Variants in PRMT8 observed in about 807,000 individuals in gnomAD.
The protein encoded by PRMT8 is protein arginine methyltransferase 8, also known as protein arginine N-methyltransferase 8.
A neutral mutation model predicts 47.1 loss-of-function variants in PRMT8; 7 were observed. The ratio of observed to expected loss-of-function variants is 0.15; its 90% CI spans 0.08 to 0.28. The LOEUF (loss-of-function observed/expected upper bound fraction) is 0.28, where lower values mean the gene tolerates loss of function less well. Ranked by LOEUF, PRMT8 falls within the 10% of genes least tolerant of loss-of-function variation. The pLI is 1.00. For missense variants in PRMT8, 237 were observed against 505.4 expected (o/e 0.47, Z 5.09); for synonymous variants, 188 against 186.5 (o/e 1.01, Z -0.07).
chr12:3,574,323 C>T (rs1866901420), intron 6 of PRMT8, among the ~76,000 whole-genome samples: 1 of 152,230 alleles, frequency 6.6e-6, no homozygotes, highest in Admixed American at 6.5e-5. Flanking sequence ...CCAAAGGTTT[C>T]CAAATGGTTG....
chr12:3,471,980 G>C (rs986291006), intron 1 of PRMT8, among the ~76,000 whole-genome samples: 2 of 152,018 alleles, frequency 1.3e-5, no homozygotes, highest in Admixed American at 1.3e-4. Flanking sequence ...TGGCCTCTCT[G>C]AACCTTTGTC....
intron 1 of PRMT8, among the ~76,000 whole-genome samples, chr12:3,446,159 C>T (rs1024111072): frequency 5.3e-5 from 8 of 152,194 alleles, no homozygotes; most frequent in African/African-American, 1.9e-4. Context: ...ACTAGACCAC[C>T]AGATTACTGG....
upstream of PRMT8, among the ~76,000 whole-genome samples, chr12:3,489,813 ACACACACACACACACACACACGCGCG>A (rs1334927336): frequency 3.7e-5 from 5 of 135,248 alleles, no homozygotes; most frequent in Admixed American, 1.4e-4. Flanking sequence ...GTTTTCACAC[ACACACACACACACACACACACGCGCG>A]CACACACACA....
intron 1 of PRMT8, among the ~76,000 whole-genome samples, chr12:3,392,727 A>G (rs1407465440): frequency 6.6e-6 from 1 of 152,144 alleles, no homozygotes; most frequent in Non-Finnish European, 1.5e-5. Flanking sequence ...GTATATACCC[A>G]GTAATGGGAT....
chr12:3,427,590 T>C lies in PRMT8; in HGVS notation c.48+46148T>C, dbSNP rs1490147606. Among the ~76,000 whole-genome samples the C allele has an allele frequency of 2.6e-5, 4 of 151,642 alleles. No homozygotes were observed. In the East Asian group the frequency reaches 5.8e-4, roughly 22 times the overall value. ...TTACTTTCCTTACACACCTTGCACA[T>C]AAACTGTTTTTTTTTTCAATAGTTT... On this transcript the variant is annotated intron_variant, in intron 1 of 9. Transcript: ENST00000452611.
At chr12:3,432,634 A>G (rs895416533) in intron 1 of PRMT8, among the ~76,000 whole-genome samples, 61 of 151,420 alleles carry the variant, frequency 4.0e-4, no homozygotes, top group African/African-American at 1.2e-3. Context: ...GAGGTGAGAA[A>G]GGCTCTCTGG....
chr12:3,452,749 C>T (rs983610969), intron 1 of PRMT8, among the ~76,000 whole-genome samples: 2 of 152,166 alleles, frequency 1.3e-5, no homozygotes, highest in Non-Finnish European at 2.9e-5. Flanking sequence ...TCAGGCCTCA[C>T]CAGATGGTGA....
At chr12:3,425,019 C>G (rs1274589049) in intron 1 of PRMT8, among the ~76,000 whole-genome samples, 1 of 152,174 alleles carries the variant, frequency 6.6e-6, no homozygotes, top group Non-Finnish European at 1.5e-5. Flanking sequence ...ACTTGCTGCT[C>G]CCAGTTTACT....
chr12:3,388,960 C>G (rs1296255339), intron 1 of PRMT8, among the ~76,000 whole-genome samples: 2 of 152,114 alleles, frequency 1.3e-5, no homozygotes. Flanking sequence ...ATATTTTATT[C>G]CAGTGAACCT....
At chr12:3,571,674 G>A (rs1866849224) in intron 6 of PRMT8, among the ~76,000 whole-genome samples, 1 of 151,890 alleles carries the variant, frequency 6.6e-6, no homozygotes, top group Non-Finnish European at 1.5e-5. Flanking sequence ...TTGTTCTAGA[G>A]TCTCTGAAAA....
chr12:3,390,828 G>C (rs1254413567), intron 1 of PRMT8, among the ~76,000 whole-genome samples: 1 of 152,192 alleles, frequency 6.6e-6, no homozygotes, highest in Non-Finnish European at 1.5e-5. Context: ...TAAGGTCAGG[G>C]AACAGGCAGA....
intron 4 of PRMT8, 139 bp from the exon 5 acceptor site, chr12:3,568,567 G>T: frequency 1.1e-6 from 1 of 920,596 alleles, no homozygotes; most frequent in South Asian, 1.7e-5. Context: ...AACTAGTTTG[G>T]TAAAGGGTGA....
chr12:3,481,462 C>G (rs2137101711), intron 1 of PRMT8, among the ~76,000 whole-genome samples: 1 of 152,312 alleles, frequency 6.6e-6, no homozygotes, highest in East Asian at 1.9e-4. Context: ...AAGGGCGCTT[C>G]TCCAGGAGCC....
In PRMT8 at chr12:3,521,055, G is replaced by A. The variant is rs561964622; in HGVS notation, c.76-19551G>A. 4.5e-4 allele frequency among the ~76,000 whole-genome samples: 68 copies of A among 152,238 alleles called. No homozygotes were observed. The Middle Eastern group carries it at 0.014, about 30-fold the overall frequency. On this transcript the variant is annotated intron_variant, in intron 1 of 9. Transcript: ENST00000382622. The stretch of plus-strand genomic sequence containing the variant: ...TCCCTGGAGGAAGAAGTTAAACTCC[G>A]GCCTAATCCCAGATATCCCAAGGTG...
intron 1 of PRMT8, among the ~76,000 whole-genome samples, chr12:3,529,201 T>A (rs1486030867): frequency 1.3e-5 from 2 of 152,174 alleles, no homozygotes; most frequent in African/African-American, 2.4e-5. Context: ...CTGAGAGAGA[T>A]TACTGGGTCT....
intron 8 of PRMT8, among the ~76,000 whole-genome samples, chr12:3,587,959 C>T (rs74707679): frequency 7.6e-6 from 1 of 131,860 alleles, no homozygotes; most frequent in Non-Finnish European, 1.8e-5. Context: ...GGGCACGGTG[C>T]CCCCCCCACC....
intron 1 of PRMT8, among the ~76,000 whole-genome samples, chr12:3,468,751 G>C (rs1865131520): frequency 6.6e-6 from 1 of 152,222 alleles, no homozygotes; most frequent in Admixed American, 6.5e-5. Context: ...AAATAGCCAA[G>C]AAATGGTCAG....
intron 1 of PRMT8, among the ~76,000 whole-genome samples, chr12:3,477,990 G>C (rs1865231872): frequency 6.6e-6 from 1 of 152,126 alleles, no homozygotes; most frequent in Non-Finnish European, 1.5e-5. Flanking sequence ...GGCTAGGGGA[G>C]GATGGTCCTC....
intron 7 of PRMT8, among the ~76,000 whole-genome samples, chr12:3,581,767 A>C (rs1460572709): frequency 6.6e-6 from 1 of 152,192 alleles, no homozygotes; most frequent in Non-Finnish European, 1.5e-5. Flanking sequence ...AGAAGATGTC[A>C]TGGCTACACA....
Sources: allele counts gnomAD v4.1 joint callset (sites outside exome capture counted in the v4.1 genomes callset), GRCh38; gene constraint gnomAD v4.1.1; transcripts MANE v1.5; gene names NCBI Gene and HGNC (gene_info 2026-07-23, HGNC 2026-07-21).